Variants in UBASH3B observed in about 807,000 individuals in gnomAD.
UBASH3B encodes the protein ubiquitin-associated and SH3 domain-containing protein B.
A neutral mutation model predicts 83.4 loss-of-function variants in UBASH3B; 37 were observed. The observed-to-expected ratio is 0.44, with a 90% CI of 0.34 to 0.58. UBASH3B has a LOEUF of 0.58. UBASH3B is among the 20% of genes least tolerant of loss of function. UBASH3B has a pLI of 0.01. For synonymous variants in UBASH3B, 304 were observed against 318.3 expected, an observed-to-expected ratio of 0.96 and a Z score of 0.48; for missense variants, 657 against 827.2, an observed-to-expected ratio of 0.79 and a Z score of 2.52.
intron 1 of UBASH3B, among the ~76,000 whole-genome samples, chr11:122,685,756 G>A (rs1248192531): frequency 1.3e-5 from 2 of 152,172 alleles, no homozygotes; most frequent in Non-Finnish European, 2.9e-5. Flanking sequence ...CTGACCTCAG[G>A]TGATCCACCC....
chr11:122,752,369 G>T (rs966337877), intron 1 of UBASH3B, among the ~76,000 whole-genome samples: 2 of 152,222 alleles, frequency 1.3e-5, no homozygotes, highest in African/African-American at 4.8e-5. Context: ...GGCCAGGTGG[G>T]CATTAAGAAT....
In UBASH3B at chr11:122,656,153, T is replaced by C; in HGVS notation, c.104T>C (p.Ile35Thr). 1.9e-6 allele frequency: 3 copies of C among 1,583,350 alleles called. No individual in the cohort carries two copies. Among genetic ancestry groups the C allele is most frequent in the Non-Finnish European group, 2.6e-6 (3 of 1,166,138 alleles). Reference sequence around the variant, plus strand: ...AACCGCCAACAGCGCCCCGGCACCATCAAGCATGGATCGGCGCTGGACGTG... The same window carrying C: ...AACCGCCAACAGCGCCCCGGCACCACCAAGCATGGATCGGCGCTGGACGTG... The part of the protein sequence containing the change: ...RRNRQQRPGT[I>T]KHGSALDVLL... The change falls in exon 1 of 14, where the codon ATC becomes ACC. Residue 35 changes from isoleucine to threonine, a missense_variant. Around this residue, in one of 3 missense-constraint regions of UBASH3B, gnomAD observed 78 missense variants for 68.4 expected, o/e 1.14. Coordinates refer to ENST00000284273, the MANE Select transcript of UBASH3B (RefSeq NM_032873.5).
chr11:122,663,587 T>C (rs1243049518), intron 1 of UBASH3B, among the ~76,000 whole-genome samples: 1 of 152,112 alleles, frequency 6.6e-6, no homozygotes. Context: ...GAATCCTGTG[T>C]CTCCCGCCAG....
At chr11:122,681,147 T>A (rs1405450323) in intron 1 of UBASH3B, among the ~76,000 whole-genome samples, 1 of 152,274 alleles carries the variant, frequency 6.6e-6, no homozygotes, top group African/African-American at 2.4e-5. Context: ...TCTTTCATAG[T>A]AATTAATGAA....
intron 1 of UBASH3B, among the ~76,000 whole-genome samples, chr11:122,661,007 A>G (rs959357799): frequency 6.6e-6 from 1 of 152,222 alleles, no homozygotes; most frequent in African/African-American, 2.4e-5. Context: ...TTCCAAAGAC[A>G]AAATGAGATA....
At chr11:122,769,946 AC>A (rs1408303242) in intron 1 of UBASH3B, among the ~76,000 whole-genome samples, 2 of 152,258 alleles carry the variant, frequency 1.3e-5, no homozygotes, top group Non-Finnish European at 2.9e-5. Flanking sequence ...GAGGTTGAGA[AC>A]ATTTTTTAAA....
At chr11:122,699,581 TCTTTC>T (rs1864015508) in intron 1 of UBASH3B, among the ~76,000 whole-genome samples, 2 of 150,908 alleles carry the variant, frequency 1.3e-5, no homozygotes, top group Admixed American at 6.6e-5. Context: ...TTCTTTTCTT[TCTTTC>T]CTTTCTTTTT....
intron 1 of UBASH3B, among the ~76,000 whole-genome samples, chr11:122,723,880 G>T (rs1017249179): frequency 4.6e-5 from 7 of 152,248 alleles, no homozygotes; most frequent in African/African-American, 1.7e-4. Flanking sequence ...ATTTTCTGGT[G>T]CTTCTGGGTG....
intron 10 of UBASH3B, among the ~76,000 whole-genome samples, chr11:122,800,840 C>G (rs1443460093): frequency 6.6e-6 from 1 of 152,024 alleles, no homozygotes. Flanking sequence ...CTCTTGGACT[C>G]AAGTAATCTG....
At chr11:122,801,421 T>G in intron 11 of UBASH3B, 89 bp downstream of exon 11, 1 of 1,476,286 alleles carries the variant, frequency 6.8e-7, no homozygotes. Context: ...GAGCCAGGGC[T>G]GGACATCACC....
intron 1 of UBASH3B, among the ~76,000 whole-genome samples, chr11:122,754,447 T>G (rs1309224777): frequency 1.3e-5 from 2 of 152,234 alleles, no homozygotes; most frequent in Non-Finnish European, 2.9e-5. Context: ...GGATGGTCAG[T>G]CCATGCATGA....
chr11:122,687,910 A>G (rs999389873), intron 1 of UBASH3B, among the ~76,000 whole-genome samples: 1 of 152,164 alleles, frequency 6.6e-6, no homozygotes, highest in African/African-American at 2.4e-5. Context: ...AATAATAATG[A>G]TATCATAATA....
At chr11:122,686,520 G>A (rs1267775454) in intron 1 of UBASH3B, among the ~76,000 whole-genome samples, 2 of 152,172 alleles carry the variant, frequency 1.3e-5, no homozygotes, top group Non-Finnish European at 2.9e-5. Flanking sequence ...GGTCTTAAAT[G>A]TTAAGAAAAC....
At chr11:122,723,969 G>C (rs1051007809) in intron 1 of UBASH3B, among the ~76,000 whole-genome samples, 1 of 152,210 alleles carries the variant, frequency 6.6e-6, no homozygotes, top group Admixed American at 6.5e-5. Context: ...GGGAGCTCCC[G>C]GAGTTTAAAT....
intron 1 of UBASH3B, among the ~76,000 whole-genome samples, chr11:122,745,836 G>T (rs1054229939): frequency 6.6e-6 from 1 of 152,114 alleles, no homozygotes; most frequent in African/African-American, 2.4e-5. Context: ...TGTCCCTTCT[G>T]GGGCAGAGGT....
chr11:122,738,557 A>G lies in UBASH3B; in HGVS notation c.162-37662A>G, dbSNP rs551455916. Among the ~76,000 whole-genome samples, 8 of 152,314 alleles carry G rather than the reference A, an allele frequency of 5.3e-5. No individual in the cohort carries two copies. The South Asian group carries it at 1.7e-3, about 32-fold the overall frequency. ...GTGGTCAAGTGCAATGGTCAGGAAG[A>G]GGCAGGAAGAGCTACGGTGGGAGTT... On this transcript the variant is annotated intron_variant, in intron 1 of 13. Transcript: ENST00000284273.
At chr11:122,703,228 G>C (rs551175041) in intron 1 of UBASH3B, among the ~76,000 whole-genome samples, 95 of 152,042 alleles carry the variant, frequency 6.2e-4, no homozygotes, top group South Asian at 1.5e-3. Context: ...GAGATTGAGA[G>C]CATCCTGGCT....
In UBASH3B at chr11:122,666,834, G is replaced by A. The variant is rs149266886; in HGVS notation, c.161+10624G>A. Among the ~76,000 whole-genome samples, 730 of 151,920 alleles carry A rather than the reference G, an allele frequency of 4.8e-3. 5 individuals are homozygous for A. Among genetic ancestry groups the A allele is most frequent in the African/African-American group, 0.016 (677 of 41,436 alleles). ...GAACTAGTTCCACTGTAATGCATCTGGCTCCTCTTCCCTTCTTTTCACTTT... is the reference window on the plus strand; with the variant it reads ...GAACTAGTTCCACTGTAATGCATCTAGCTCCTCTTCCCTTCTTTTCACTTT... On this transcript the variant is annotated intron_variant, in intron 1 of 13. Coordinates refer to ENST00000284273, the MANE Select transcript of UBASH3B (RefSeq NM_032873.5).
rs562214893 is a variant in UBASH3B, at chr11:122,757,684, A to G, written c.162-18535A>G. On this transcript the variant is annotated intron_variant, in intron 1 of 13. Coordinates refer to ENST00000284273, the MANE Select transcript of UBASH3B (RefSeq NM_032873.5). ...AGAGTTCTGAGTGCTCAGAAGCCCA[A>G]TGGGAAGACAAGACCTTCTTTTCCC... Among the ~76,000 whole-genome samples, 22 of 149,920 alleles carry G rather than the reference A, an allele frequency of 1.5e-4. No individual in the cohort carries two copies. In the South Asian group the frequency reaches 2.3e-3, roughly 16 times the overall value.
Sources: gnomAD v4.1 joint callset for allele counts (sites outside exome capture counted in the v4.1 genomes callset) on GRCh38, gnomAD v4.1.1 for gene constraint, gnomAD v4.1.1 regional missense constraint, MANE v1.5 for transcripts, NCBI Gene and HGNC (gene_info 2026-07-23, HGNC 2026-07-21) for gene names.